The following ZNF804A variants were observed in gnomAD, a reference collection of about 807,000 sequenced individuals.
ZNF804A encodes the protein zinc finger protein 804A.
Under a neutral mutation model 16.5 loss-of-function variants are expected in ZNF804A, and 2 were observed. The observed-to-expected ratio is 0.12, with a 90% confidence interval of 0.05 to 0.38. The LOEUF is 0.38. ZNF804A is among the 10% of genes least tolerant of loss of function. The pLI, the probability that ZNF804A is intolerant of heterozygous loss-of-function variation, is 0.99. For missense variants in ZNF804A, 1,473 were observed against 1,390.7 expected (o/e 1.06, Z -0.94); for synonymous variants, 534 against 489.6 (o/e 1.09, Z -1.20).
intron 1 of ZNF804A, among the ~76,000 whole-genome samples, chr2:184,822,297 A>G (rs1311633633): frequency 6.6e-6 from 1 of 152,114 alleles, no homozygotes; most frequent in Non-Finnish European, 1.5e-5. Context: ...TCCTCAGCGA[A>G]TTAATGCAGG....
chr2:184,777,105 T>C (rs1694301164), intron 1 of ZNF804A, among the ~76,000 whole-genome samples: 1 of 151,460 alleles, frequency 6.6e-6, no homozygotes, highest in African/African-American at 2.4e-5. Flanking sequence ...TCTGTCTTTG[T>C]TTTTGTCCCA....
intron 1 of ZNF804A, among the ~76,000 whole-genome samples, chr2:184,783,730 T>C (rs368296504): frequency 6.6e-6 from 1 of 151,952 alleles, no homozygotes; most frequent in Non-Finnish European, 1.5e-5. Context: ...CACAGTGCCC[T>C]TTCCATAGCA....
At chr2:184,641,176 C>T (rs936099279) in intron 1 of ZNF804A, among the ~76,000 whole-genome samples, 1 of 152,092 alleles carries the variant, frequency 6.6e-6, no homozygotes, top group African/African-American at 2.4e-5. Context: ...GCTGCTCAAA[C>T]TCATGACCTC....
At chr2:184,746,477 C>T (rs934582730) in intron 1 of ZNF804A, among the ~76,000 whole-genome samples, 3 of 151,364 alleles carry the variant, frequency 2.0e-5, no homozygotes, top group Non-Finnish European at 4.4e-5. Context: ...TGCAGGCTTC[C>T]AATCCATAAT....
intron 1 of ZNF804A, among the ~76,000 whole-genome samples, chr2:184,647,019 A>G (rs1413910871): frequency 6.6e-6 from 1 of 152,220 alleles, no homozygotes; most frequent in Admixed American, 6.5e-5. Flanking sequence ...ACACCCAGCC[A>G]TGTTTGCTGC....
At chr2:184,834,676 C>G (rs1485566935) in intron 1 of ZNF804A, among the ~76,000 whole-genome samples, 1 of 152,046 alleles carries the variant, frequency 6.6e-6, no homozygotes, top group Non-Finnish European at 1.5e-5. Context: ...GTTTTTTGAT[C>G]TGAACTGCTT....
At chr2:184,869,219 G>A (rs998256605) in intron 2 of ZNF804A, among the ~76,000 whole-genome samples, 1 of 151,826 alleles carries the variant, frequency 6.6e-6, no homozygotes, top group Non-Finnish European at 1.5e-5. Context: ...AAATCCATTT[G>A]GCCTTCAAAT....
Position 184,718,705 on chromosome 2 carries a change from G to A in ZNF804A, c.111+119635G>A, listed in dbSNP as rs906354626. ...ACTCCATGTCTCACATCCAGGTCACGCTGATACAAGAAGTGGGTTTTCATG... is the reference window on the plus strand; with the variant it reads ...ACTCCATGTCTCACATCCAGGTCACACTGATACAAGAAGTGGGTTTTCATG... On this transcript the variant is annotated intron_variant, in intron 1 of 3. Transcript: ENST00000302277. 3.9e-5 allele frequency among the ~76,000 whole-genome samples: 6 copies of A among 152,086 alleles called. No individual in the cohort carries two copies. In the South Asian group the frequency reaches 6.2e-4, roughly 16 times the overall value.
chr2:184,905,951 T>G (rs1345428936), intron 2 of ZNF804A, among the ~76,000 whole-genome samples: 1 of 152,214 alleles, frequency 6.6e-6, no homozygotes, highest in Admixed American at 6.5e-5. Flanking sequence ...TAGCTGTATT[T>G]CTTGTCTATC....
intron 2 of ZNF804A, among the ~76,000 whole-genome samples, chr2:184,882,838 G>A (rs1428872801): frequency 6.6e-6 from 1 of 151,994 alleles, no homozygotes; most frequent in Non-Finnish European, 1.5e-5. Context: ...AAACTAGAGA[G>A]ATCTCAAATT....
In ZNF804A at chr2:184,866,394, T is replaced by C. The variant is rs764283548; in HGVS notation, c.137T>C (p.Ile46Thr). ...TLDYAEKENT[I>T]AKALEDLKAN... ...GACTATGCTGAGAAGGAAAATACCA[T>C]AGCAAAAGCTCTGGAAGATCTGAAG... The change falls in exon 2 of 4, where the codon ATA (isoleucine) becomes ACA (threonine). Residue 46 changes from isoleucine to threonine, a missense_variant. Physicochemically the swap from Ile to Thr is moderately conservative, Grantham distance 89. Coordinates refer to ENST00000302277, the MANE Select transcript of ZNF804A (RefSeq NM_194250.2). 5.6e-6 allele frequency: 9 copies of C among 1,613,210 alleles called. No homozygotes were observed. The highest frequency in any genetic ancestry group is 2.7e-5 in the African/African-American group (2 of 74,982).
chr2:184,931,778 C>T (rs1194821953), intron 2 of ZNF804A, among the ~76,000 whole-genome samples: 1 of 152,138 alleles, frequency 6.6e-6, no homozygotes, highest in Admixed American at 6.5e-5. Flanking sequence ...TCTATCGCAT[C>T]ATCAGGCTGC....
intron 1 of ZNF804A, among the ~76,000 whole-genome samples, chr2:184,621,847 A>G (rs1037442835): frequency 2.0e-5 from 3 of 151,824 alleles, no homozygotes; most frequent in African/African-American, 2.4e-5. Flanking sequence ...GCATTATGCT[A>G]TCAAACAAAT....
At chr2:184,768,256 A>G (rs1694160317) in intron 1 of ZNF804A, among the ~76,000 whole-genome samples, 1 of 152,090 alleles carries the variant, frequency 6.6e-6, no homozygotes, top group Admixed American at 6.6e-5. Flanking sequence ...TGCAAATACC[A>G]TGCCATTTTA....
intron 1 of ZNF804A, among the ~76,000 whole-genome samples, chr2:184,734,787 A>G (rs746054607): frequency 6.6e-6 from 1 of 152,120 alleles, no homozygotes; most frequent in Non-Finnish European, 1.5e-5. Flanking sequence ...TATTGTGGTG[A>G]TTCACCTGCT....
At chr2:184,848,235 A>G (rs941140923) in intron 1 of ZNF804A, among the ~76,000 whole-genome samples, 4 of 152,018 alleles carry the variant, frequency 2.6e-5, no homozygotes, top group Non-Finnish European at 4.4e-5. Context: ...GGCACTAATC[A>G]CTTGGGAGAA....
intron 1 of ZNF804A, among the ~76,000 whole-genome samples, chr2:184,701,430 C>G (rs1692917767): frequency 6.6e-6 from 1 of 151,854 alleles, no homozygotes; most frequent in South Asian, 2.1e-4. Context: ...TGAATATATA[C>G]CTTCTTTTCT....
chr2:184,938,482 T>C lies in ZNF804A; in HGVS notation c.3086T>C (p.Leu1029Ser). ...GAGCAAATCCTGGCTCCATTAGCTT[T>C]ACCAGAGCAAGCATTATTGATCCCA... ...TAEQILAPLA[L>S]PEQALLIPLE... Residue 1029 changes from leucine (L) to serine (S), a missense_variant, in exon 4 of 4, where the codon TTA becomes TCA. Transcript: ENST00000302277. The C allele has an allele frequency of 6.2e-7, 1 of 1,614,068 alleles. No homozygotes were observed. Among genetic ancestry groups the C allele is most frequent in the South Asian group, 1.1e-5 (1 of 91,082 alleles).
chr2:184,674,662 A>T (rs928911802), intron 1 of ZNF804A, among the ~76,000 whole-genome samples: 8 of 151,842 alleles, frequency 5.3e-5, no homozygotes, highest in South Asian at 2.1e-4. Flanking sequence ...GATGGGCATC[A>T]CTGGAGGATA....
Sources: allele counts gnomAD v4.1 joint callset (sites outside exome capture counted in the v4.1 genomes callset), GRCh38; gene constraint gnomAD v4.1.1; transcripts MANE v1.5; gene names NCBI Gene and HGNC (gene_info 2026-07-23, HGNC 2026-07-21).